The following GPM6A variants were observed in gnomAD, a reference collection of about 807,000 sequenced individuals.
GPM6A encodes the protein glycoprotein M6A.
In GPM6A, 7 loss-of-function variants were observed where a neutral mutation model predicts 32.1. The ratio of observed to expected loss-of-function variants is 0.22; its 90% CI spans 0.12 to 0.41. The LOEUF is 0.41. Ranked by LOEUF, GPM6A falls within the 10% of genes least tolerant of loss-of-function variation. GPM6A has a pLI of 1.00. For synonymous variants in GPM6A, 130 were observed against 123.4 expected, an observed-to-expected ratio of 1.05 and a Z score of -0.35; for missense variants, 235 against 347.2, an observed-to-expected ratio of 0.68 and a Z score of 2.57.
At chr4:175,778,509 C>T (rs138933700) in intron 1 of GPM6A, among the ~76,000 whole-genome samples, 3,028 of 151,450 alleles carry the variant, frequency 0.02, 53 homozygotes, top group Non-Finnish European at 0.031. Flanking sequence ...CCTGTAGTCC[C>T]AGCTACTTGG....
At position 175,775,493 on chromosome 4, in the gene GPM6A, C is replaced by T. The variant is rs545126059; in HGVS notation, c.37+36698G>A. On this transcript the variant is annotated intron_variant, in intron 1 of 6. Transcript: ENST00000393658. ...TAAAAACCCTAGATTTTTCCATTAA[C>T]TCAAATGTTGTTTCATTCTGCTAAT... Among the ~76,000 whole-genome samples the T allele has an allele frequency of 1.9e-3, 286 of 152,166 alleles. 1 individual carries two copies. The highest frequency in any genetic ancestry group is 6.6e-3 in the African/African-American group (273 of 41,524).
Position 175,810,354 on chromosome 4 carries a change from A to G in GPM6A, c.37+1837T>C, listed in dbSNP as rs576612576. On this transcript the variant is annotated intron_variant, in intron 1 of 6. Coordinates refer to ENST00000393658, the MANE Select transcript of GPM6A (RefSeq NM_201591.3). The stretch of plus-strand genomic sequence containing the variant: ...AAAAAACCTAAATCATAAATATTGT[A>G]TTCATATACATTTACAAACTGATAG... 2.0e-5 allele frequency among the ~76,000 whole-genome samples: 3 copies of G among 152,342 alleles called. No homozygotes were observed. In the East Asian group the frequency reaches 5.8e-4, roughly 29 times the overall value.
At chr4:175,965,556 G>A (rs1740306940) in intron 1 of GPM6A, among the ~76,000 whole-genome samples, 1 of 148,668 alleles carries the variant, frequency 6.7e-6, no homozygotes, top group African/African-American at 2.5e-5. Context: ...GTTAACTAAG[G>A]AAAAAAGAGA....
upstream of GPM6A, among the ~76,000 whole-genome samples, chr4:175,817,082 T>C (rs12503697): frequency 6.6e-6 from 1 of 151,972 alleles, no homozygotes; most frequent in African/African-American, 2.4e-5. Context: ...ATGGTCTCGA[T>C]CTCCTGACTT....
At chr4:175,637,884 A>T (rs939626429) in intron 6 of GPM6A, among the ~76,000 whole-genome samples, 1 of 114,888 alleles carries the variant, frequency 8.7e-6, no homozygotes, top group Non-Finnish European at 1.6e-5. Flanking sequence ...ATATTTATAT[A>T]TTATATATAT....
rs1484404370 is a variant in GPM6A at position 175,673,850 on chromosome 4, C to T, written c.231-14G>A. ...AAGATGTCAATCCTGAGAGAAAAGACAAAGTGATTTATTTCAATAACTTTT... is the reference window on the plus strand; with the variant it reads ...AAGATGTCAATCCTGAGAGAAAAGATAAAGTGATTTATTTCAATAACTTTT... On this transcript the variant is annotated splice_polypyrimidine_tract_variant and intron_variant, in intron 2 of 6. Transcript: ENST00000393658. 2 of 1,570,996 alleles carry T rather than the reference C, an allele frequency of 1.3e-6. No individual in the cohort carries two copies. The highest frequency in any genetic ancestry group is 1.7e-6 in the Non-Finnish European group (2 of 1,147,136).
At chr4:175,789,838 A>G (rs1388152671) in intron 1 of GPM6A, among the ~76,000 whole-genome samples, 4 of 152,204 alleles carry the variant, frequency 2.6e-5, no homozygotes, top group Non-Finnish European at 4.4e-5. Context: ...CTGTGTGCCA[A>G]TGTGCCTTTG....
At chr4:175,687,538 G>GT (rs1272882696) in intron 2 of GPM6A, among the ~76,000 whole-genome samples, 1 of 151,744 alleles carries the variant, frequency 6.6e-6, no homozygotes, top group Non-Finnish European at 1.5e-5. Flanking sequence ...AGATTACACT[G>GT]TATGTATATA....
intron 1 of GPM6A, among the ~76,000 whole-genome samples, chr4:175,721,391 G>A (rs1227211969): frequency 6.6e-6 from 1 of 151,424 alleles, no homozygotes; most frequent in Non-Finnish European, 1.5e-5. Flanking sequence ...CAGGAGAATC[G>A]CTTGAACCCA....
intron 1 of GPM6A, among the ~76,000 whole-genome samples, chr4:175,881,544 C>T (rs1408791037): frequency 2.0e-5 from 3 of 152,098 alleles, no homozygotes; most frequent in Non-Finnish European, 2.9e-5. Flanking sequence ...CACATGCACA[C>T]GTATATTTAT....
At chr4:175,670,377 A>C (rs1157163327) in intron 3 of GPM6A, among the ~76,000 whole-genome samples, 1 of 152,212 alleles carries the variant, frequency 6.6e-6, no homozygotes, top group African/African-American at 2.4e-5. Flanking sequence ...GGGGGCAAAA[A>C]ATATCTCAAG....
At chr4:175,636,285 T>C (rs979768995) in intron 6 of GPM6A, among the ~76,000 whole-genome samples, 5 of 138,412 alleles carry the variant, frequency 3.6e-5, no homozygotes, top group Admixed American at 1.4e-4. Flanking sequence ...TATATATATA[T>C]ATATATATAT....
intron 1 of GPM6A, among the ~76,000 whole-genome samples, chr4:175,853,246 T>C (rs987770514): frequency 2.0e-5 from 3 of 152,126 alleles, no homozygotes; most frequent in African/African-American, 7.2e-5. Flanking sequence ...TTTAGAGTGA[T>C]TATTTCAATT....
At chr4:175,656,603 A>G (rs2110932667) in intron 3 of GPM6A, among the ~76,000 whole-genome samples, 1 of 152,284 alleles carries the variant, frequency 6.6e-6, no homozygotes, top group East Asian at 1.9e-4. Context: ...CTTTAGAAAA[A>G]GGTGACATAT....
intron 2 of GPM6A, among the ~76,000 whole-genome samples, chr4:175,675,754 A>T (rs1743327359): frequency 6.6e-6 from 1 of 152,114 alleles, no homozygotes. Context: ...GACTCAAGTG[A>T]TCCTCTCGCC....
intron 3 of GPM6A, among the ~76,000 whole-genome samples, chr4:175,661,547 G>A (rs1742417326): frequency 6.6e-6 from 1 of 152,048 alleles, no homozygotes; most frequent in Admixed American, 6.6e-5. Context: ...TTGTTTTAAA[G>A]GTGTTTCCAT....
rs80124907 is a variant in GPM6A, at chr4:175,794,951, G to T, written c.37+17240C>A. Among the ~76,000 whole-genome samples the T allele has an allele frequency of 1.3e-3, 195 of 152,238 alleles. 5 individuals carry two copies. In the East Asian group the frequency reaches 0.028, roughly 22 times the overall value. On this transcript the variant is annotated intron_variant, in intron 1 of 6. Transcript: ENST00000393658. ...ATCCATGAATATATTTTGTTTGAGA[G>T]AAATTATTCTAATTAAAGCGAATAG...
intron 1 of GPM6A, among the ~76,000 whole-genome samples, chr4:175,993,438 G>A (rs1247601751): frequency 6.6e-6 from 1 of 151,478 alleles, no homozygotes; most frequent in Non-Finnish European, 1.5e-5. Context: ...CAGCTGAAAA[G>A]TCCTTCTTGC....
chr4:175,908,125 A>G (rs1738191225), intron 1 of GPM6A, among the ~76,000 whole-genome samples: 1 of 152,218 alleles, frequency 6.6e-6, no homozygotes, highest in Non-Finnish European at 1.5e-5. Context: ...ATCATGTTAT[A>G]TATAATATCA....
Sources: gnomAD v4.1 joint callset for allele counts (sites outside exome capture counted in the v4.1 genomes callset) on GRCh38, gnomAD v4.1.1 for gene constraint, MANE v1.5 for transcripts, NCBI Gene and HGNC (gene_info 2026-07-23, HGNC 2026-07-21) for gene names.